SPA17: variants seen among roughly 807,000 people sequenced by gnomAD.
SPA17 encodes sperm surface protein Sp17.
SPA17 carries 7 observed loss-of-function variants against 13.8 expected under a neutral mutation model. The observed-to-expected ratio is 0.51, with a 90% confidence interval of 0.29 to 0.95. The LOEUF is 0.95. Ranked by LOEUF, SPA17 falls within the 40% of genes least tolerant of loss-of-function variation. The pLI, the probability that SPA17 is intolerant of heterozygous loss-of-function variation, is 0.08. For synonymous variants in SPA17, 61 were observed against 59.0 expected (o/e 1.03, Z -0.16); for missense variants, 170 against 179.3 (o/e 0.95, Z 0.30).
intron 3 of SPA17, among the ~76,000 whole-genome samples, 188 bp downstream of exon 3, chr11:124,681,647 T>TA (rs1417524292): frequency 6.6e-6 from 1 of 151,808 alleles, no homozygotes; most frequent in Non-Finnish European, 1.5e-5. Context: ...AAAGATTTAA[T>TA]AAAAACTTAT....
chr11:124,675,460 A>T (rs1356342899), intron 2 of SPA17, 42 bp downstream of exon 2: 8 of 1,595,220 alleles, frequency 5.0e-6, no homozygotes, highest in Middle Eastern at 3.4e-4. Context: ...ATAAGAAACT[A>T]AGCATTTGTT....
At chr11:124,690,821 A>G (rs1943617335) in intron 3 of SPA17, among the ~76,000 whole-genome samples, 1 of 152,202 alleles carries the variant, frequency 6.6e-6, no homozygotes, top group Admixed American at 6.5e-5. Context: ...CAAGTTCTCC[A>G]GTAGATTTGG....
intron 4 of SPA17, among the ~76,000 whole-genome samples, chr11:124,693,174 T>C (rs1943639433): frequency 6.6e-6 from 1 of 152,228 alleles, no homozygotes; most frequent in Non-Finnish European, 1.5e-5. Context: ...ATTTGTTTGC[T>C]ATATTAGGAT....
At chr11:124,675,485 C>G in intron 2 of SPA17, 67 bp downstream of exon 2, 1 of 1,548,120 alleles carries the variant, frequency 6.5e-7, no homozygotes, top group Non-Finnish European at 8.7e-7. Flanking sequence ...GTAAAACTTG[C>G]TTAAGACCAT....
chr11:124,683,760 A>T lies in SPA17; in HGVS notation c.225+2301A>T, dbSNP rs527629879. On this transcript the variant is annotated intron_variant, in intron 3 of 4. Transcript: ENST00000227135. ...AAGTTTATTTTATAATGATAAAGGG[A>T]TCAATTCAGTAAGAGGATATAACAA... Among the ~76,000 whole-genome samples, 4 of 152,296 alleles carry T rather than the reference A, an allele frequency of 2.6e-5. No homozygotes were observed. The South Asian group carries it at 8.3e-4, about 32-fold the overall frequency.
chr11:124,683,991 T>C (rs894466976), intron 3 of SPA17, among the ~76,000 whole-genome samples: 4 of 152,170 alleles, frequency 2.6e-5, no homozygotes, highest in African/African-American at 9.7e-5. Context: ...CATCTTGAAT[T>C]GTAGTTCCCA....
At chr11:124,680,815 C>T (rs1339213547) in intron 2 of SPA17, among the ~76,000 whole-genome samples, 4 of 151,824 alleles carry the variant, frequency 2.6e-5, no homozygotes, top group African/African-American at 9.7e-5. Flanking sequence ...TAAAATAAAT[C>T]ATGGGTTGAT....
chr11:124,683,902 T>A, intron 3 of SPA17, among the ~76,000 whole-genome samples: 1 of 152,158 alleles, frequency 6.6e-6, no homozygotes, highest in East Asian at 1.9e-4. Context: ...AACACCCCAC[T>A]CATAGCATTA....
chr11:124,676,611 G>A (rs1943466957), intron 2 of SPA17, among the ~76,000 whole-genome samples: 1 of 152,150 alleles, frequency 6.6e-6, no homozygotes, highest in South Asian at 2.1e-4. Flanking sequence ...TCCATATCCG[G>A]TCAGGGTGAA....
At chr11:124,687,321 A>C (rs1049465738) in intron 3 of SPA17, among the ~76,000 whole-genome samples, 1 of 152,108 alleles carries the variant, frequency 6.6e-6, no homozygotes, top group Admixed American at 6.5e-5. Context: ...ACCACCAAAA[A>C]AAAAGCCCAG....
chr11:124,680,166 C>T (rs1740680291), intron 2 of SPA17, among the ~76,000 whole-genome samples: 1 of 152,024 alleles, frequency 6.6e-6, no homozygotes, highest in African/African-American at 2.4e-5. Flanking sequence ...TTCACAACCC[C>T]TAAGGAAATG....
intron 2 of SPA17, among the ~76,000 whole-genome samples, chr11:124,680,730 A>G (rs934439706): frequency 1.3e-5 from 2 of 152,180 alleles, no homozygotes; most frequent in Non-Finnish European, 2.9e-5. Flanking sequence ...TAGATAAAAT[A>G]ACAGGATGCA....
At chr11:124,683,677 A>G (rs1313170580) in intron 3 of SPA17, among the ~76,000 whole-genome samples, 1 of 152,092 alleles carries the variant, frequency 6.6e-6, no homozygotes, top group Non-Finnish European at 1.5e-5. Flanking sequence ...AGAAGTAGCT[A>G]TAGTTACATT....
chr11:124,674,420 C>G (rs1317427470), intron 1 of SPA17: 1 of 152,262 alleles, frequency 6.6e-6, no homozygotes, highest in Non-Finnish European at 1.5e-5. Context: ...CCGTCCAGTT[C>G]TCCCAACCTG....
At chr11:124,681,339 A>G (rs1315303080) in intron 2 of SPA17, 50 bp from the exon 3 acceptor site, 1 of 1,430,442 alleles carries the variant, frequency 7.0e-7, no homozygotes. Flanking sequence ...TTCTACATTT[A>G]CCTTAATGAA....
At chr11:124,680,532 T>C (rs1291647943) in intron 2 of SPA17, among the ~76,000 whole-genome samples, 1 of 152,198 alleles carries the variant, frequency 6.6e-6, no homozygotes, top group Non-Finnish European at 1.5e-5. Flanking sequence ...GAGCTGTGTG[T>C]GCCCGTTTTC....
intron 3 of SPA17, among the ~76,000 whole-genome samples, chr11:124,682,684 C>A (rs2134411935): frequency 6.6e-6 from 1 of 151,904 alleles, no homozygotes; most frequent in Non-Finnish European, 1.5e-5. Flanking sequence ...CTGAAACAAT[C>A]CAGTAAGACA....
chr11:124,690,439 A>G (rs1029638636), intron 3 of SPA17, among the ~76,000 whole-genome samples: 14 of 152,188 alleles, frequency 9.2e-5, no homozygotes, highest in Non-Finnish European at 1.5e-4. Flanking sequence ...TAGACGTGGA[A>G]TGATAGATAA....
intron 3 of SPA17, among the ~76,000 whole-genome samples, chr11:124,681,838 A>G (rs1324368929): frequency 6.6e-6 from 1 of 152,172 alleles, no homozygotes; most frequent in Non-Finnish European, 1.5e-5. Context: ...TGTTTTCAGC[A>G]TCACAGTGCT....
Sources: gnomAD v4.1 joint callset for allele counts (sites outside exome capture counted in the v4.1 genomes callset) on GRCh38, gnomAD v4.1.1 for gene constraint, MANE v1.5 for transcripts, NCBI Gene and HGNC (gene_info 2026-07-23, HGNC 2026-07-21) for gene names.